ARHGEF12: variants seen among roughly 807,000 people sequenced by gnomAD.
ARHGEF12 encodes the protein KMT2A/ARHGEF12 fusion protein.
Under a neutral mutation model 211.2 loss-of-function variants are expected in ARHGEF12, and 66 were observed. That is an observed-to-expected ratio of 0.31 (90% confidence interval 0.26 to 0.38). The LOEUF is 0.38. Ranked by LOEUF, ARHGEF12 falls within the 10% of genes least tolerant of loss-of-function variation. The pLI is 1.00. For synonymous variants in ARHGEF12, 592 were observed against 638.4 expected (o/e 0.93, Z 1.09); for missense variants, 1,429 against 1,869.5 (o/e 0.76, Z 4.34).
chr11:120,467,014 C>G (rs752226519), intron 28 of ARHGEF12, among the ~76,000 whole-genome samples, 180 bp from the exon 29 acceptor site: 1 of 152,144 alleles, frequency 6.6e-6, no homozygotes, highest in Non-Finnish European at 1.5e-5. Flanking sequence ...CTCCCTTCCC[C>G]CATTATGTGA....
In ARHGEF12 at chr11:120,488,721, A is replaced by T. The variant is rs1028022785; in HGVS notation, c.*3644A>T. Reference sequence around the variant, plus strand: ...TTAATAAGCCTCTTCCTACTAGAACATTTTATTTTCCTTGTTCACCATACA... The same window carrying T: ...TTAATAAGCCTCTTCCTACTAGAACTTTTTATTTTCCTTGTTCACCATACA... On this transcript the variant is annotated 3_prime_UTR_variant, in exon 41 of 41. Transcript: ENST00000397843. 1 of 218,138 alleles carries T rather than the reference A, an allele frequency of 4.6e-6. No homozygotes were observed. Among genetic ancestry groups the T allele is most frequent in the East Asian group, 6.8e-5 (1 of 14,694 alleles). 13.5% of individuals were successfully genotyped at this position (218,138 alleles called of 1,614,324 possible).
intron 22 of ARHGEF12, among the ~76,000 whole-genome samples, chr11:120,456,383 C>A (rs1946361521): frequency 6.6e-6 from 1 of 151,968 alleles, no homozygotes; most frequent in Non-Finnish European, 1.5e-5. Context: ...TAGGTAGTAA[C>A]TAATAACCCA....
chr11:120,432,002 T>G (rs1945557020), intron 11 of ARHGEF12, 91 bp downstream of exon 11: 19 of 1,302,456 alleles, frequency 1.5e-5, no homozygotes, highest in Non-Finnish European at 1.9e-5. Context: ...GAATTAGAGG[T>G]GTCTTAGCAC....
chr11:120,373,883 C>G (rs1477501314), intron 1 of ARHGEF12, among the ~76,000 whole-genome samples: 1 of 152,180 alleles, frequency 6.6e-6, no homozygotes, highest in South Asian at 2.1e-4. Context: ...TCTCGGCTCA[C>G]CACAACCTCT....
chr11:120,351,748 G>A (rs1280585666), intron 1 of ARHGEF12, among the ~76,000 whole-genome samples: 1 of 152,006 alleles, frequency 6.6e-6, no homozygotes, highest in East Asian at 1.9e-4. Context: ...TGGGATTCCA[G>A]GCATGAGCCA....
intron 1 of ARHGEF12, among the ~76,000 whole-genome samples, chr11:120,401,303 G>A (rs566350582): frequency 2.9e-4 from 44 of 152,274 alleles, no homozygotes; most frequent in African/African-American, 1.0e-3. Flanking sequence ...TTTTGGTTCT[G>A]TGAATCTTAC....
chr11:120,447,384 G>T (rs1273502508), intron 18 of ARHGEF12: 5 of 284,832 alleles, frequency 1.8e-5, no homozygotes, highest in African/African-American at 2.2e-5. Context: ...AATATTTCTT[G>T]CCATGAAGCA....
intron 1 of ARHGEF12, among the ~76,000 whole-genome samples, chr11:120,392,036 C>G (rs1157413894): frequency 6.6e-6 from 1 of 152,212 alleles, no homozygotes; most frequent in African/African-American, 2.4e-5. Context: ...TGAATAAACT[C>G]TAAGCCTGTT....
intron 1 of ARHGEF12, among the ~76,000 whole-genome samples, chr11:120,388,721 T>A (rs7932037): frequency 0.46 from 70,158 of 152,020 alleles, 17,091 homozygotes; most frequent in African/African-American, 0.62. Flanking sequence ...TAAAAATGTT[T>A]AACATATTTT....
intron 29 of ARHGEF12, among the ~76,000 whole-genome samples, chr11:120,467,631 G>T (rs2135940074): frequency 7.9e-6 from 1 of 126,436 alleles, no homozygotes. Context: ...TTTTTAGCAA[G>T]GGTCTCACTA....
chr11:120,466,146 A>G (rs754492793), intron 28 of ARHGEF12, among the ~76,000 whole-genome samples: 2 of 152,250 alleles, frequency 1.3e-5, no homozygotes, highest in Non-Finnish European at 2.9e-5. Flanking sequence ...ATGGTTTAGC[A>G]GGTTCCTCCC....
chr11:120,397,981 T>G (rs1396079442), intron 1 of ARHGEF12, among the ~76,000 whole-genome samples: 1 of 152,194 alleles, frequency 6.6e-6, no homozygotes, highest in Non-Finnish European at 1.5e-5. Flanking sequence ...GTTTACTATT[T>G]TGTCTTTAGT....
At chr11:120,337,642 A>G in intron 1 of ARHGEF12, 1 of 985,388 alleles carries the variant, frequency 1.0e-6, no homozygotes, top group Non-Finnish European at 1.2e-6. Flanking sequence ...ATTATTTATC[A>G]GCTTTAGCCG....
chr11:120,346,917 C>T (rs928646807), intron 1 of ARHGEF12, among the ~76,000 whole-genome samples: 2 of 152,144 alleles, frequency 1.3e-5, no homozygotes, highest in Non-Finnish European at 2.9e-5. Context: ...GAGATAAAGT[C>T]TGAACGTGTG....
rs146792075 is a variant in ARHGEF12, at chr11:120,477,081, T to TTTGTTG, written c.3366-104_3366-99dup. ...AAAGATATTCTCTGGCAGAGTGGGTTTTGTTGTTGTTGTTGTTGTTGTTGT... is the reference window on the plus strand; with the variant it reads ...AAAGATATTCTCTGGCAGAGTGGGTTTTGTTGTTGTTGTTGTTGTTGTTGTTGTTGT... On this transcript the variant is annotated intron_variant, in intron 34 of 40. Coordinates refer to ENST00000397843, the MANE Select transcript of ARHGEF12 (RefSeq NM_015313.3). 2.5e-3 allele frequency: 1,638 copies of TTTGTTG among 662,106 alleles called. 4 individuals carry two copies. The highest frequency in any genetic ancestry group is 7.1e-3 in the African/African-American group (379 of 53,560). The allele number at this position is 662,106 out of a possible 1,614,324, so 41.0% of individuals were successfully genotyped here.
At chr11:120,483,775 C>T (rs367842587) in intron 39 of ARHGEF12, among the ~76,000 whole-genome samples, 11 of 152,140 alleles carry the variant, frequency 7.2e-5, no homozygotes, top group African/African-American at 1.2e-4. Flanking sequence ...CCACCATGCC[C>T]GGCTAATTTT....
chr11:120,436,620 G>A (rs2135754121), intron 11 of ARHGEF12, among the ~76,000 whole-genome samples: 1 of 152,228 alleles, frequency 6.6e-6, no homozygotes, highest in South Asian at 2.1e-4. Flanking sequence ...CATCTGTACT[G>A]AATATGCACA....
At chr11:120,416,775 T>C (rs903437789) in intron 4 of ARHGEF12, among the ~76,000 whole-genome samples, 31 of 152,180 alleles carry the variant, frequency 2.0e-4, no homozygotes, top group Admixed American at 2.0e-3. Flanking sequence ...CTCAGCCTCC[T>C]GAGTAGCCTG....
rs61347520 is a variant in ARHGEF12, at chr11:120,410,293, G to GT, written c.199+856dup. The GT allele has an allele frequency of 2.4e-3, 346 of 143,238 alleles. 1 individual carries two copies. Among genetic ancestry groups the GT allele is most frequent in the East Asian group, 0.01 (52 of 4,970 alleles). The allele number at this position is 143,238 out of a possible 1,614,324, so 8.9% of individuals were successfully genotyped here. A position where few individuals can be genotyped will look rare whatever the true frequency, so the allele number is the denominator to read the frequency against. ...AGTCTGATTAGGGTTTTGTTTTGGG[G>GT]TTTTTTTTTTTTTGGTTTTTTGTTT... On this transcript the variant is annotated intron_variant, in intron 4 of 40. Transcript: ENST00000397843.
Sources: gnomAD v4.1 joint callset for allele counts (sites outside exome capture counted in the v4.1 genomes callset) on GRCh38, gnomAD v4.1.1 for gene constraint, MANE v1.5 for transcripts, NCBI Gene and HGNC (gene_info 2026-07-23, HGNC 2026-07-21) for gene names.